The following REDIC1 variants were observed in gnomAD, a reference collection of about 807,000 sequenced individuals.
REDIC1 encodes HEI10 Interacting Protein 1.
the REDIC1 span, among the ~76,000 whole-genome samples, chr12:39,650,512 A>G: frequency 6.6e-6 from 1 of 152,208 alleles, no homozygotes; most frequent in Non-Finnish European, 1.5e-5. The surrounding 1 kb of genome is among the most constrained non-coding windows in gnomAD (Gnocchi z 4.3). Flanking sequence ...GTATTATTTA[A>G]TTAAAATAGT....
chr12:39,900,586 C>T, the REDIC1 span, among the ~76,000 whole-genome samples: 20 of 152,224 alleles, frequency 1.3e-4, no homozygotes, highest in South Asian at 4.2e-3. Context: ...CTCCTATTCA[C>T]AATTGCTTCA....
chr12:39,838,798 T>G, the REDIC1 span, among the ~76,000 whole-genome samples: 1 of 152,102 alleles, frequency 6.6e-6, no homozygotes, highest in Non-Finnish European at 1.5e-5. Flanking sequence ...ATTTTTAGTT[T>G]CTACTCTGTG....
At chr12:39,761,245 A>G in the REDIC1 span, among the ~76,000 whole-genome samples, 30 of 128,948 alleles carry the variant, frequency 2.3e-4, no homozygotes, top group African/African-American at 6.4e-4. Context: ...TGCCTCATTA[A>G]GTAAAATAAG....
At chr12:39,755,359 C>T in the REDIC1 span, 1 of 151,896 alleles carries the variant, frequency 6.6e-6, no homozygotes, top group Non-Finnish European at 1.5e-5. Flanking sequence ...TTAAAATATA[C>T]AGTTTGAAAT....
chr12:39,660,508 T>A, the REDIC1 span, among the ~76,000 whole-genome samples: 111,183 of 151,248 alleles, frequency 0.74, 42,284 homozygotes, highest in Non-Finnish European at 0.84. Context: ...TTCTTTTTTT[T>A]TAAATTTTTT....
At chr12:39,870,263 TA>T in the REDIC1 span, among the ~76,000 whole-genome samples, 1 of 152,122 alleles carries the variant, frequency 6.6e-6, no homozygotes, top group Non-Finnish European at 1.5e-5. Flanking sequence ...TGTCATCCAT[TA>T]AAAATATTTA....
At chr12:39,872,032 A>G in the REDIC1 span, 5 of 1,328,154 alleles carry the variant, frequency 3.8e-6, no homozygotes, top group African/African-American at 7.6e-5. Context: ...TGATAGAAAA[A>G]GATGTATTCA....
the REDIC1 span, among the ~76,000 whole-genome samples, chr12:39,885,794 G>A: frequency 6.6e-6 from 1 of 152,086 alleles, no homozygotes; most frequent in Non-Finnish European, 1.5e-5. Flanking sequence ...TCTGAAGATC[G>A]TTCCCAATGC....
the REDIC1 span, among the ~76,000 whole-genome samples, chr12:39,796,422 T>TAAA: frequency 8.5e-6 from 1 of 117,616 alleles, no homozygotes; most frequent in African/African-American, 3.2e-5. Context: ...GGACCCATCT[T>TAAA]AAAAAAAAAA....
At chr12:39,635,953 A>G in the REDIC1 span, among the ~76,000 whole-genome samples, 1 of 152,178 alleles carries the variant, frequency 6.6e-6, no homozygotes, top group Admixed American at 6.6e-5. Context: ...AATTGCATCT[A>G]AAAACCAGTT....
At chr12:39,705,083 A>T in the REDIC1 span, among the ~76,000 whole-genome samples, 6 of 151,318 alleles carry the variant, frequency 4.0e-5, no homozygotes, top group South Asian at 2.1e-4. Flanking sequence ...AATAATAAAT[A>T]AAATTAAATT....
chr12:39,650,269 C>T, the REDIC1 span: 1 of 1,609,714 alleles, frequency 6.2e-7, no homozygotes, highest in Non-Finnish European at 8.5e-7. This position sits in a 1 kb window ranked among gnomAD's most constrained non-coding sequence, Gnocchi z 4.3. Flanking sequence ...TGATTCCTTG[C>T]TTTCCAAATT....
the REDIC1 span, among the ~76,000 whole-genome samples, chr12:39,834,678 T>C: frequency 6.6e-6 from 1 of 152,152 alleles, no homozygotes; most frequent in South Asian, 2.1e-4. Context: ...GTGTGGGAAC[T>C]GTATTTGTGC....
At chr12:39,696,603 G>A in the REDIC1 span, among the ~76,000 whole-genome samples, 1 of 117,056 alleles carries the variant, frequency 8.5e-6, no homozygotes, top group East Asian at 2.7e-4. Context: ...GACCAACCCT[G>A]AAGAAATGGA....
the REDIC1 span, among the ~76,000 whole-genome samples, chr12:39,793,924 C>G: frequency 3.3e-5 from 5 of 151,920 alleles, no homozygotes; most frequent in South Asian, 2.1e-4. Flanking sequence ...TCAGTGAGCT[C>G]ATTATGGTTG....
chr12:39,851,366 A>G, the REDIC1 span, among the ~76,000 whole-genome samples: 1 of 152,250 alleles, frequency 6.6e-6, no homozygotes, highest in Admixed American at 6.5e-5. Flanking sequence ...ATTAGGCTGA[A>G]GAAAAACAAA....
At chr12:39,830,670 T>A in the REDIC1 span, among the ~76,000 whole-genome samples, 12 of 147,026 alleles carry the variant, frequency 8.2e-5, no homozygotes, top group South Asian at 2.6e-3. Context: ...ATGAAAATAG[T>A]TTTTTTTTCT....
At chr12:39,905,822 G>GAAAAAA in the REDIC1 span, among the ~76,000 whole-genome samples, 23 of 145,414 alleles carry the variant, frequency 1.6e-4, no homozygotes, top group South Asian at 4.4e-4. Flanking sequence ...AAAATGCCCA[G>GAAAAAA]AAAAAAAAAA....
chr12:39,842,673 G>C, the REDIC1 span, among the ~76,000 whole-genome samples: 2,145 of 152,104 alleles, frequency 0.014, 39 homozygotes, highest in African/African-American at 0.047. Context: ...GTTAAAGCTT[G>C]CAGTTTAGTA....
Sources: gnomAD v4.1 joint callset for allele counts (sites outside exome capture counted in the v4.1 genomes callset) on GRCh38, gnomAD v4.1.1 for gene constraint, Gnocchi (gnomAD v3.1) non-coding constraint, MANE v1.5 for transcripts, NCBI Gene and HGNC (gene_info 2026-07-23, HGNC 2026-07-21) for gene names.